GALNT17: variants seen among roughly 807,000 people sequenced by gnomAD.
GALNT17 encodes UDP-GalNAc:polypeptide N-acetylgalactosaminyltransferase-like 3.
In GALNT17, 29 loss-of-function variants were observed where a neutral mutation model predicts 63.7. The ratio of observed to expected loss-of-function variants is 0.46; its 90% CI spans 0.34 to 0.62. GALNT17 has a LOEUF of 0.62. Ranked by LOEUF, GALNT17 falls within the 20% of genes least tolerant of loss-of-function variation. The probability of loss-of-function intolerance (pLI) is 0.01; values close to 1 mark genes in which losing one functional copy is unlikely to be tolerated. For missense variants in GALNT17, 603 were observed against 799.6 expected, an observed-to-expected ratio of 0.75 and a Z score of 2.97; for synonymous variants, 305 against 318.3, an observed-to-expected ratio of 0.96 and a Z score of 0.45.
At chr7:71,384,156 G>A (rs891496593) in intron 2 of GALNT17, among the ~76,000 whole-genome samples, 1 of 152,060 alleles carries the variant, frequency 6.6e-6, no homozygotes, top group Non-Finnish European at 1.5e-5. Context: ...TGTTTTAACA[G>A]TAGCCATCTT....
At chr7:71,387,870 A>C (rs1792975479) in intron 2 of GALNT17, among the ~76,000 whole-genome samples, 1 of 152,112 alleles carries the variant, frequency 6.6e-6, no homozygotes, top group African/African-American at 2.4e-5. Flanking sequence ...TCCAAAATAA[A>C]CTACTTGCAC....
chr7:71,329,931 G>GTA (rs1791775794), intron 1 of GALNT17, among the ~76,000 whole-genome samples: 3 of 29,658 alleles, frequency 1.0e-4, no homozygotes, highest in Admixed American at 3.4e-4. Context: ...GTGTGTGTGT[G>GTA]TATATATATA....
intron 3 of GALNT17, among the ~76,000 whole-genome samples, chr7:71,392,574 A>G (rs1034893789): frequency 1.3e-5 from 2 of 152,154 alleles, no homozygotes; most frequent in South Asian, 4.1e-4. Flanking sequence ...TTTGAGAACC[A>G]TTGGGTTAGG....
At chr7:71,283,817 T>C (rs1436123455) in intron 1 of GALNT17, among the ~76,000 whole-genome samples, 1 of 152,092 alleles carries the variant, frequency 6.6e-6, no homozygotes, top group African/African-American at 2.4e-5. Flanking sequence ...CTGGACTTCC[T>C]GGGTCGAGTG....
intron 1 of GALNT17, among the ~76,000 whole-genome samples, chr7:71,199,560 A>G (rs973136172): frequency 4.8e-5 from 7 of 144,750 alleles, no homozygotes; most frequent in Non-Finnish European, 1.1e-4. Flanking sequence ...CCATCCATCC[A>G]TCCATCCTGC....
intron 5 of GALNT17, among the ~76,000 whole-genome samples, chr7:71,423,687 G>A (rs760296536): frequency 1.3e-5 from 2 of 152,166 alleles, no homozygotes; most frequent in Non-Finnish European, 2.9e-5. Context: ...GCCAAGGCAG[G>A]AGGATTGCCT....
intron 1 of GALNT17, among the ~76,000 whole-genome samples, chr7:71,269,571 T>G (rs779236082): frequency 1.6e-4 from 24 of 152,130 alleles, no homozygotes; most frequent in Non-Finnish European, 3.4e-4. Flanking sequence ...GGAGGAAGTA[T>G]GGAGGGCCAT....
intron 1 of GALNT17, among the ~76,000 whole-genome samples, chr7:71,294,362 A>G: frequency 6.7e-6 from 1 of 150,166 alleles, no homozygotes; most frequent in East Asian, 1.9e-4. Flanking sequence ...TCTTTCTGGA[A>G]TGCTCACAAT....
intron 5 of GALNT17, among the ~76,000 whole-genome samples, chr7:71,554,768 T>C (rs1017351277): frequency 1.3e-5 from 2 of 152,310 alleles, no homozygotes; most frequent in East Asian, 1.9e-4. Flanking sequence ...ACGTGAGCAG[T>C]AGGGTGAGGC....
intron 5 of GALNT17, among the ~76,000 whole-genome samples, chr7:71,429,027 T>C (rs1786812673): frequency 6.6e-6 from 1 of 152,238 alleles, no homozygotes; most frequent in Non-Finnish European, 1.5e-5. Context: ...ACACCTTCTT[T>C]TCCTGGACTC....
chr7:71,408,226 A>C (rs1215556519), intron 3 of GALNT17, among the ~76,000 whole-genome samples: 2 of 151,730 alleles, frequency 1.3e-5, no homozygotes, highest in Non-Finnish European at 2.9e-5. Flanking sequence ...AGTGATTCTC[A>C]CTCTGGGAAT....
In GALNT17 at chr7:71,310,917, C is replaced by T. The variant is rs143027242; in HGVS notation, c.239-24633C>T. Among the ~76,000 whole-genome samples the T allele has an allele frequency of 1.6e-4, 24 of 152,268 alleles. No individual in the cohort carries two copies. The East Asian group carries it at 1.7e-3, about 11-fold the overall frequency. On this transcript the variant is annotated intron_variant, in intron 1 of 10. Coordinates refer to ENST00000333538, the MANE Select transcript of GALNT17 (RefSeq NM_022479.3). Reference sequence around the variant, plus strand: ...GGAAGACAGCTGGGAGTGACTACCACGGTAGTTCTCTATCACGACACTAGT... The same window carrying T: ...GGAAGACAGCTGGGAGTGACTACCATGGTAGTTCTCTATCACGACACTAGT...
intron 6 of GALNT17, among the ~76,000 whole-genome samples, chr7:71,602,614 C>G (rs1169845369): frequency 6.6e-6 from 1 of 152,320 alleles, no homozygotes; most frequent in Middle Eastern, 3.4e-3. Flanking sequence ...CCCTCTGCAG[C>G]TTCTGGGGGA....
chr7:71,638,693 C>A (rs1790562407), intron 6 of GALNT17, among the ~76,000 whole-genome samples: 1 of 152,122 alleles, frequency 6.6e-6, no homozygotes. Context: ...TCAGACAGGT[C>A]TTTTGGTATT....
At chr7:71,310,683 G>T (rs183922305) in intron 1 of GALNT17, among the ~76,000 whole-genome samples, 132 of 152,290 alleles carry the variant, frequency 8.7e-4, no homozygotes, top group African/African-American at 2.9e-3. Context: ...GGATAGAAAA[G>T]GGCAGTCCTT....
At chr7:71,181,790 T>A (rs1788739565) in intron 1 of GALNT17, among the ~76,000 whole-genome samples, 1 of 151,992 alleles carries the variant, frequency 6.6e-6, no homozygotes, top group South Asian at 2.1e-4. Flanking sequence ...GGCAGGAGGA[T>A]CGCTTGAACC....
At chr7:71,515,027 C>G (rs549381218) in intron 5 of GALNT17, among the ~76,000 whole-genome samples, 1 of 152,204 alleles carries the variant, frequency 6.6e-6, no homozygotes, top group African/African-American at 2.4e-5. Flanking sequence ...TCTCTTGCCT[C>G]CTGCCATGTA....
At chr7:71,346,316 C>T (rs544398701) in intron 2 of GALNT17, among the ~76,000 whole-genome samples, 1 of 152,214 alleles carries the variant, frequency 6.6e-6, no homozygotes, top group African/African-American at 2.4e-5. Context: ...CAGAGAGTAG[C>T]TGTCCAATGA....
intron 1 of GALNT17, among the ~76,000 whole-genome samples, chr7:71,252,221 CAAAA>C (rs11366800): frequency 5.8e-5 from 7 of 121,734 alleles, no homozygotes; most frequent in Admixed American, 8.0e-5. Context: ...TCCTGAAACT[CAAAA>C]AAAAAAAAAA....
Sources: gnomAD v4.1 joint callset for allele counts (sites outside exome capture counted in the v4.1 genomes callset) on GRCh38, gnomAD v4.1.1 for gene constraint, MANE v1.5 for transcripts, NCBI Gene and HGNC (gene_info 2026-07-23, HGNC 2026-07-21) for gene names.